The following GPR39 variants were observed in gnomAD, a reference collection of about 807,000 sequenced individuals.
GPR39 encodes G protein-coupled receptor 39.
A neutral mutation model predicts 18.4 loss-of-function variants in GPR39; 23 were observed. The observed-to-expected ratio is 1.25, with a 90% CI of 0.90 to 1.77. GPR39 has a LOEUF of 1.77. Ranked by LOEUF, GPR39 falls within the 40% of genes most tolerant of loss-of-function variation. GPR39 has a pLI of 0.00. For missense variants in GPR39, 647 were observed against 602.4 expected (o/e 1.07, Z -0.78); for synonymous variants, 280 against 257.9 (o/e 1.09, Z -0.82).
intron 1 of GPR39, among the ~76,000 whole-genome samples, chr2:132,440,508 G>C (rs115197079): frequency 8.9e-4 from 136 of 152,250 alleles, no homozygotes; most frequent in African/African-American, 3.0e-3. Context: ...ATTGATGCAG[G>C]AAAGAGGAAG....
At chr2:132,638,871 C>T (rs1202580007) in intron 1 of GPR39, among the ~76,000 whole-genome samples, 1 of 152,192 alleles carries the variant, frequency 6.6e-6, no homozygotes, top group African/African-American at 2.4e-5. Context: ...GCTCTCTAAC[C>T]ATGCTGGTTT....
Position 132,443,899 on chromosome 2 carries a change from G to A in GPR39, c.856+26001G>A, listed in dbSNP as rs115035471. On this transcript the variant is annotated intron_variant, in intron 1 of 1. Transcript: ENST00000329321. ...AACCTGGGCAACATAGGGAAACCCT[G>A]TCTCTATCACAAAAATACAAAACCT... 7.8e-3 allele frequency among the ~76,000 whole-genome samples: 1,193 copies of A among 152,254 alleles called. 18 individuals are homozygous for A. The highest frequency in any genetic ancestry group is 0.027 in the African/African-American group (1,112 of 41,538).
intron 1 of GPR39, among the ~76,000 whole-genome samples, chr2:132,624,003 C>T (rs527911867): frequency 2.6e-5 from 4 of 152,306 alleles, no homozygotes; most frequent in South Asian, 4.1e-4. Flanking sequence ...TCACAGTAAC[C>T]TGCTTAAAAG....
intron 1 of GPR39, among the ~76,000 whole-genome samples, chr2:132,422,658 T>C (rs933813227): frequency 3.9e-5 from 6 of 152,192 alleles, no homozygotes; most frequent in African/African-American, 1.2e-4. Flanking sequence ...GACTCCAATG[T>C]TTCAATATTT....
At chr2:132,458,451 GGTGTGTTT>G (rs1680773509) in intron 1 of GPR39, among the ~76,000 whole-genome samples, 2 of 76,408 alleles carry the variant, frequency 2.6e-5, no homozygotes, top group Admixed American at 1.6e-4. Context: ...TCTCTCTCTC[GGTGTGTTT>G]GTGTGTGTGT....
intron 1 of GPR39, among the ~76,000 whole-genome samples, chr2:132,626,479 C>G: frequency 6.6e-6 from 1 of 152,078 alleles, no homozygotes; most frequent in East Asian, 1.9e-4. Flanking sequence ...AAAAATGTCT[C>G]CCCTGAGGGA....
At chr2:132,527,220 T>C (rs1355541934) in intron 1 of GPR39, among the ~76,000 whole-genome samples, 1 of 152,234 alleles carries the variant, frequency 6.6e-6, no homozygotes, top group Non-Finnish European at 1.5e-5. Flanking sequence ...GTTAGTTTGC[T>C]GAGGATGATG....
In GPR39 at chr2:132,645,421, C is replaced by T. The variant is rs1449630438; in HGVS notation, c.1177C>T (p.Leu393Phe). Residue 393 changes from leucine to phenylalanine, a missense_variant, in exon 2 of 2, where the codon CTC becomes TTC. Leu to Phe is a conservative substitution (Grantham distance 22). This residue lies in a region of GPR39 where 581 missense variants were observed against 506.8 expected (regional missense o/e 1.15). Coordinates refer to ENST00000329321, the MANE Select transcript of GPR39 (RefSeq NM_001508.3). ...DSARFVQRPL[L>F]FASRRQSSAR... is the part of the protein sequence containing the mutation. The stretch of plus-strand genomic sequence containing the variant: ...CGCCCGCTTTGTGCAGCGCCCGTTG[C>T]TCTTCGCGTCCCGGCGCCAGTCCTC... The T allele has an allele frequency of 5.0e-6, 8 of 1,613,500 alleles. No homozygotes were observed. The African/African-American group carries it at 9.3e-5, about 19-fold the overall frequency.
At chr2:132,638,803 G>C (rs925119734) in intron 1 of GPR39, among the ~76,000 whole-genome samples, 6 of 152,204 alleles carry the variant, frequency 3.9e-5, no homozygotes, top group African/African-American at 1.4e-4. Context: ...TTGACAAGCA[G>C]ATGCTTCTCA....
intron 1 of GPR39, among the ~76,000 whole-genome samples, chr2:132,484,225 A>G (rs1681289933): frequency 6.6e-6 from 1 of 152,228 alleles, no homozygotes; most frequent in South Asian, 2.1e-4. Flanking sequence ...GCCTATGGCC[A>G]TTGCAAGATG....
At chr2:132,565,565 C>A (rs1680336105) in intron 1 of GPR39, among the ~76,000 whole-genome samples, 1 of 126,038 alleles carries the variant, frequency 7.9e-6, no homozygotes, top group Non-Finnish European at 1.6e-5. Flanking sequence ...CCCACCCCAC[C>A]ACAGTCCCCA....
At chr2:132,507,221 G>T (rs1336411105) in intron 1 of GPR39, among the ~76,000 whole-genome samples, 1 of 152,092 alleles carries the variant, frequency 6.6e-6, no homozygotes, top group Non-Finnish European at 1.5e-5. Context: ...TTTATATATA[G>T]ACATGAGATA....
chr2:132,556,794 C>T (rs979217527), intron 1 of GPR39, among the ~76,000 whole-genome samples: 1 of 152,166 alleles, frequency 6.6e-6, no homozygotes, highest in Admixed American at 6.5e-5. Context: ...AGCACAACCT[C>T]ATAGACACTC....
At chr2:132,480,733 T>G (rs1204835907) in intron 1 of GPR39, among the ~76,000 whole-genome samples, 1 of 152,090 alleles carries the variant, frequency 6.6e-6, no homozygotes, top group African/African-American at 2.4e-5. Flanking sequence ...AGGAGTTTGG[T>G]TTTGGATTAA....
At chr2:132,557,085 G>A (rs13013761) in intron 1 of GPR39, among the ~76,000 whole-genome samples, 1 of 34,744 alleles carries the variant, frequency 2.9e-5, no homozygotes, top group African/African-American at 1.8e-4. Flanking sequence ...GGAGGCCAAG[G>A]GGGGGGGCAG....
chr2:132,525,801 T>A (rs1284743746), intron 1 of GPR39, among the ~76,000 whole-genome samples: 1 of 152,168 alleles, frequency 6.6e-6, no homozygotes, highest in Non-Finnish European at 1.5e-5. Flanking sequence ...AAGGAAGACA[T>A]GTCCCTTCAT....
chr2:132,505,861 A>G (rs1679126632), intron 1 of GPR39, among the ~76,000 whole-genome samples: 1 of 152,200 alleles, frequency 6.6e-6, no homozygotes, highest in Non-Finnish European at 1.5e-5. Flanking sequence ...TGCAATAAAC[A>G]TGGGGGTCAA....
chr2:132,492,598 C>A (rs184260423), intron 1 of GPR39, among the ~76,000 whole-genome samples: 3 of 113,814 alleles, frequency 2.6e-5, no homozygotes, highest in Admixed American at 9.4e-5. Flanking sequence ...ATATATATAC[C>A]ATATATACAC....
intron 1 of GPR39, among the ~76,000 whole-genome samples, chr2:132,450,546 C>A (rs1298349234): frequency 6.6e-6 from 1 of 152,232 alleles, no homozygotes; most frequent in Non-Finnish European, 1.5e-5. Flanking sequence ...GTACCAGAAA[C>A]AGTGCCAGGC....
Sources: allele counts gnomAD v4.1 joint callset (sites outside exome capture counted in the v4.1 genomes callset), GRCh38; gene constraint gnomAD v4.1.1; regional missense constraint gnomAD v4.1.1; transcripts MANE v1.5; gene names NCBI Gene and HGNC (gene_info 2026-07-23, HGNC 2026-07-21).